MFHAS1: variants seen among roughly 807,000 people sequenced by gnomAD.
The protein encoded by MFHAS1 is malignant fibrous histiocytoma-amplified sequence 1.
A neutral mutation model predicts 70.4 loss-of-function variants in MFHAS1; 50 were observed. The ratio of observed to expected loss-of-function variants is 0.71; its 90% CI spans 0.57 to 0.90. The LOEUF is 0.90. Ranked by LOEUF, MFHAS1 falls within the 40% of genes least tolerant of loss-of-function variation. The probability of loss-of-function intolerance (pLI) is 0.00; values close to 1 mark genes in which losing one functional copy is unlikely to be tolerated. For synonymous variants in MFHAS1, 952 were observed against 620.0 expected (o/e 1.54, Z -7.96); for missense variants, 1,795 against 1,347.6 (o/e 1.33, Z -5.20).
At chr8:8,864,570 T>C (rs1808788589) in intron 1 of MFHAS1, among the ~76,000 whole-genome samples, 1 of 152,238 alleles carries the variant, frequency 6.6e-6, no homozygotes, top group South Asian at 2.1e-4. Flanking sequence ...CACTTTTTAT[T>C]TCTCCTAAAA....
At chr8:8,819,608 CAAAA>C (rs201326485) in intron 1 of MFHAS1, among the ~76,000 whole-genome samples, 2 of 91,254 alleles carry the variant, frequency 2.2e-5, no homozygotes, top group African/African-American at 4.0e-5. Flanking sequence ...CAACTCAAAA[CAAAA>C]AAAAAAAAAA....
intron 1 of MFHAS1, among the ~76,000 whole-genome samples, chr8:8,863,691 C>A (rs956657825): frequency 6.6e-6 from 1 of 152,170 alleles, no homozygotes; most frequent in Non-Finnish European, 1.5e-5. Flanking sequence ...GTCCTTAACC[C>A]AGACCATGGC....
rs145250762 is a variant in MFHAS1 at position 8,849,064 on chromosome 8, C to CTTTTTTTT, written c.2998+40989_2998+40996dup. 4.1e-3 allele frequency among the ~76,000 whole-genome samples: 308 copies of CTTTTTTTT among 75,794 alleles called. 15 individuals carry two copies. Among genetic ancestry groups the CTTTTTTTT allele is most frequent in the African/African-American group, 0.013 (277 of 20,920 alleles). 49.7% of individuals were successfully genotyped at this position (75,794 alleles called of 152,430 possible). On this transcript the variant is annotated intron_variant, in intron 1 of 2. Coordinates refer to ENST00000276282, the MANE Select transcript of MFHAS1 (RefSeq NM_004225.3). ...TCTGCAGCAATTAATTCCTTTTTACCTTTTTTTTTTTTTTTTTTTTTTTTT... is the reference window on the plus strand; with the variant it reads ...TCTGCAGCAATTAATTCCTTTTTACCTTTTTTTTTTTTTTTTTTTTTTTTTTTTTTTTT...
At chr8:8,814,865 T>C (rs1049898072) in intron 1 of MFHAS1, among the ~76,000 whole-genome samples, 3 of 150,486 alleles carry the variant, frequency 2.0e-5, no homozygotes, top group Admixed American at 6.6e-5. Context: ...TTTTTTTTTT[T>C]TTCTTATTTT....
chr8:8,869,942 G>T (rs998409409), intron 1 of MFHAS1, among the ~76,000 whole-genome samples: 5 of 152,074 alleles, frequency 3.3e-5, no homozygotes, highest in African/African-American at 1.2e-4. Flanking sequence ...CCTCTAAGTG[G>T]TCCCTCTGAC....
chr8:8,830,353 C>A (rs1477580827), intron 1 of MFHAS1, among the ~76,000 whole-genome samples: 1 of 152,214 alleles, frequency 6.6e-6, no homozygotes, highest in African/African-American at 2.4e-5. Flanking sequence ...TAAGTGTCAG[C>A]CACCGTTTTC....
intron 1 of MFHAS1, among the ~76,000 whole-genome samples, chr8:8,832,721 T>G (rs926145139): frequency 6.8e-6 from 1 of 147,694 alleles, no homozygotes; most frequent in Admixed American, 6.9e-5. Flanking sequence ...CTTGAACTCC[T>G]AGGCTCAAGC....
chr8:8,854,620 G>T (rs954565362), intron 1 of MFHAS1, among the ~76,000 whole-genome samples: 1 of 150,990 alleles, frequency 6.6e-6, no homozygotes, highest in African/African-American at 2.4e-5. Context: ...TGGAGGTGGA[G>T]GTTGCAGTGA....
chr8:8,852,579 T>A (rs1338538573), intron 1 of MFHAS1, among the ~76,000 whole-genome samples: 1 of 152,174 alleles, frequency 6.6e-6, no homozygotes, highest in African/African-American at 2.4e-5. Context: ...GAGGATTTTA[T>A]TATTTTATTT....
intron 1 of MFHAS1, among the ~76,000 whole-genome samples, chr8:8,842,575 C>G (rs888339171): frequency 1.3e-5 from 2 of 152,156 alleles, no homozygotes; most frequent in Non-Finnish European, 2.9e-5. Flanking sequence ...GTAAATCGCA[C>G]TAGAAGCCTC....
At chr8:8,843,911 TA>T (rs1309285721) in intron 1 of MFHAS1, among the ~76,000 whole-genome samples, 2 of 152,228 alleles carry the variant, frequency 1.3e-5, no homozygotes, top group Non-Finnish European at 2.9e-5. Context: ...ATTACCTGCC[TA>T]AAGAGGACAA....
chr8:8,879,262 A>C (rs1336293436), intron 1 of MFHAS1, among the ~76,000 whole-genome samples: 20 of 152,064 alleles, frequency 1.3e-4, no homozygotes, highest in Non-Finnish European at 2.9e-4. Flanking sequence ...GAGGCAGGAG[A>C]ATCACTTGAA....
intron 1 of MFHAS1, among the ~76,000 whole-genome samples, chr8:8,810,363 TG>T (rs753221126): frequency 8.5e-5 from 13 of 152,174 alleles, no homozygotes; most frequent in Admixed American, 3.3e-4. Flanking sequence ...AAGACCGTCT[TG>T]GGAAAAAACA....
chr8:8,881,584 C>T (rs1809525600), intron 1 of MFHAS1, among the ~76,000 whole-genome samples: 1 of 152,184 alleles, frequency 6.6e-6, no homozygotes, highest in South Asian at 2.1e-4. Flanking sequence ...CGCCTGTAAT[C>T]CCACTTTGGG....
chr8:8,793,935 C>G (rs1260866224), intron 2 of MFHAS1, among the ~76,000 whole-genome samples: 1 of 152,172 alleles, frequency 6.6e-6, no homozygotes, highest in Non-Finnish European at 1.5e-5. Flanking sequence ...TGCCTGTAAT[C>G]CCAGCATTTT....
At chr8:8,864,690 T>C (rs529891405) in intron 1 of MFHAS1, among the ~76,000 whole-genome samples, 1 of 152,328 alleles carries the variant, frequency 6.6e-6, no homozygotes, top group Admixed American at 6.5e-5. Flanking sequence ...ATGTATCATG[T>C]AAACTGAATT....
chr8:8,831,815 C>T (rs1361886307), intron 1 of MFHAS1, among the ~76,000 whole-genome samples: 1 of 152,066 alleles, frequency 6.6e-6, no homozygotes, highest in Non-Finnish European at 1.5e-5. Context: ...ACCATGTTAG[C>T]CATGCTAGTC....
chr8:8,796,147 C>G (rs1805885507), intron 2 of MFHAS1, among the ~76,000 whole-genome samples: 1 of 152,172 alleles, frequency 6.6e-6, no homozygotes, highest in African/African-American at 2.4e-5. Context: ...TGAGTGTTAT[C>G]TAGAATAGTA....
intron 1 of MFHAS1, among the ~76,000 whole-genome samples, chr8:8,847,477 C>T (rs1585049374): frequency 6.6e-6 from 1 of 152,066 alleles, no homozygotes; most frequent in Non-Finnish European, 1.5e-5. Context: ...TCACCACGCC[C>T]GGCCAGAAAT....
Sources: gnomAD v4.1 joint callset for allele counts (sites outside exome capture counted in the v4.1 genomes callset) on GRCh38, gnomAD v4.1.1 for gene constraint, MANE v1.5 for transcripts, NCBI Gene and HGNC (gene_info 2026-07-23, HGNC 2026-07-21) for gene names.